The following DLG2 variants were observed in gnomAD, a reference collection of about 807,000 sequenced individuals.
The protein encoded by DLG2 is discs large MAGUK scaffold protein 2.
DLG2 carries 45 observed loss-of-function variants against 132.5 expected under a neutral mutation model. The observed-to-expected ratio is 0.34, with a 90% CI of 0.27 to 0.44. DLG2 has a LOEUF of 0.44. Among genes scored for constraint, DLG2 ranks in the 20% least tolerant of loss-of-function variants. The pLI is 1.00. For missense variants in DLG2, 1,045 were observed against 1,196.9 expected, an observed-to-expected ratio of 0.87 and a Z score of 1.87; for synonymous variants, 424 against 419.6, an observed-to-expected ratio of 1.01 and a Z score of -0.13.
At chr11:84,831,728 G>A (rs571871747) in intron 6 of DLG2, among the ~76,000 whole-genome samples, 37 of 151,562 alleles carry the variant, frequency 2.4e-4, no homozygotes, top group Non-Finnish European at 4.3e-4. Flanking sequence ...AATAAGCCAC[G>A]CCCCTTCAAT....
intron 3 of DLG2, among the ~76,000 whole-genome samples, chr11:85,352,056 G>A (rs1170625988): frequency 6.6e-6 from 1 of 152,094 alleles, no homozygotes; most frequent in Non-Finnish European, 1.5e-5. Context: ...TTTTTGGTTG[G>A]TAGGCTATTA....
At chr11:85,430,998 TAA>T (rs1341157313) in intron 3 of DLG2, among the ~76,000 whole-genome samples, 1 of 152,098 alleles carries the variant, frequency 6.6e-6, no homozygotes, top group East Asian at 1.9e-4. Context: ...AAAAACAGTG[TAA>T]AAAATGATTT....
chr11:85,539,723 G>C (rs972304598), intron 3 of DLG2, among the ~76,000 whole-genome samples: 1 of 152,088 alleles, frequency 6.6e-6, no homozygotes. Context: ...TACACTTACT[G>C]TGTACCCACA....
intron 26 of DLG2, among the ~76,000 whole-genome samples, chr11:83,462,372 G>A (rs1489100564): frequency 1.3e-5 from 2 of 152,098 alleles, no homozygotes; most frequent in Admixed American, 6.5e-5. Flanking sequence ...TGTTCTGCAG[G>A]GACCTAATAT....
At chr11:84,282,286 T>C (rs563394275) in intron 7 of DLG2, among the ~76,000 whole-genome samples, 1 of 152,270 alleles carries the variant, frequency 6.6e-6, no homozygotes, top group Non-Finnish European at 1.5e-5. Context: ...CTCACTTATA[T>C]AAAATTATAG....
At chr11:84,448,043 G>T (rs1302589294) in intron 7 of DLG2, among the ~76,000 whole-genome samples, 1 of 152,100 alleles carries the variant, frequency 6.6e-6, no homozygotes, top group African/African-American at 2.4e-5. Context: ...CAGTGCTAAA[G>T]ATGCCTAATT....
intron 3 of DLG2, among the ~76,000 whole-genome samples, chr11:85,423,476 A>G (rs2090477476): frequency 6.6e-6 from 1 of 152,168 alleles, no homozygotes; most frequent in Non-Finnish European, 1.5e-5. Context: ...GGTGGTGGGC[A>G]GGGCCATAGA....
chr11:83,958,581 T>C (rs889785705), intron 14 of DLG2, among the ~76,000 whole-genome samples: 22 of 152,178 alleles, frequency 1.4e-4, no homozygotes, highest in African/African-American at 4.8e-4. Flanking sequence ...CCCTACATCT[T>C]GAAAGAGTAG....
chr11:85,213,570 A>G (rs2082386056), intron 4 of DLG2, among the ~76,000 whole-genome samples: 3 of 152,190 alleles, frequency 2.0e-5, no homozygotes, highest in African/African-American at 7.2e-5. Context: ...TGAAGCCTAC[A>G]GGTAGCAGGC....
chr11:85,031,437 T>C (rs2154144882), intron 6 of DLG2, among the ~76,000 whole-genome samples: 2 of 152,282 alleles, frequency 1.3e-5, no homozygotes, highest in East Asian at 3.9e-4. Flanking sequence ...TATATGATGG[T>C]TTTATTTTTC....
At chr11:84,909,098 T>G (rs1294944435) in intron 6 of DLG2, among the ~76,000 whole-genome samples, 1 of 152,088 alleles carries the variant, frequency 6.6e-6, no homozygotes, top group African/African-American at 2.4e-5. Context: ...AAATTTCTTT[T>G]CTCGTCTTTG....
chr11:84,135,703 G>T (rs1482439738), intron 9 of DLG2, among the ~76,000 whole-genome samples: 1 of 152,106 alleles, frequency 6.6e-6, no homozygotes, highest in Non-Finnish European at 1.5e-5. Flanking sequence ...GAAGGGAGTG[G>T]TAAGAAATGA....
intron 17 of DLG2, chr11:83,790,275 GC>G (rs2041187786): frequency 1.1e-6 from 1 of 926,650 alleles, no homozygotes; most frequent in Non-Finnish European, 1.8e-6. Flanking sequence ...CCATTTGAGT[GC>G]CCAAGTCTAG....
rs1322273504 is a variant in DLG2, at chr11:84,887,247, G to A, written c.357+224414C>T. On this transcript the variant is annotated intron_variant, in intron 6 of 27. Coordinates refer to ENST00000376104, the MANE Select transcript of DLG2 (RefSeq NM_001142699.3). ...TAAATTGCTCTACAAATAGTATACT[G>A]GAAACATCCGGATGTGAGGTTATAA... is the stretch of plus-strand genomic sequence containing the variant. 3 of 152,076 alleles carry A rather than the reference G, an allele frequency of 2.0e-5. No individual in the cohort carries two copies. In the East Asian group the frequency reaches 5.8e-4, roughly 29 times the overall value. The allele number at this position is 152,076 out of a possible 1,614,324, so 9.4% of individuals were successfully genotyped here. A position where few individuals can be genotyped will look rare whatever the true frequency, so the allele number is the denominator to read the frequency against.
At chr11:83,519,031 AAC>A (rs537540974) in intron 21 of DLG2, among the ~76,000 whole-genome samples, 1 of 152,128 alleles carries the variant, frequency 6.6e-6, no homozygotes, top group Non-Finnish European at 1.5e-5. Flanking sequence ...AGGAACTTAA[AAC>A]ACAGTGCAGA....
At chr11:83,879,234 G>A (rs1023578521) in intron 15 of DLG2, among the ~76,000 whole-genome samples, 4 of 152,136 alleles carry the variant, frequency 2.6e-5, no homozygotes, top group Non-Finnish European at 4.4e-5. Flanking sequence ...TTTCCAATAT[G>A]TTGTAATATT....
chr11:84,021,301 A>C (rs2095384342), intron 11 of DLG2, among the ~76,000 whole-genome samples: 1 of 152,120 alleles, frequency 6.6e-6, no homozygotes, highest in Non-Finnish European at 1.5e-5. Flanking sequence ...CAGCAACTGA[A>C]CCTAATCTGA....
At chr11:83,504,686 G>A (rs913585632) in intron 21 of DLG2, among the ~76,000 whole-genome samples, 1 of 152,144 alleles carries the variant, frequency 6.6e-6, no homozygotes, top group Admixed American at 6.5e-5. Context: ...GGAGGAGGAA[G>A]CAAAAAATTT....
intron 6 of DLG2, among the ~76,000 whole-genome samples, chr11:84,998,616 T>C (rs2057909113): frequency 6.6e-6 from 1 of 152,188 alleles, no homozygotes; most frequent in Non-Finnish European, 1.5e-5. Context: ...TTGTTGATGG[T>C]ACACAGTAAT....
Sources: allele counts gnomAD v4.1 joint callset (sites outside exome capture counted in the v4.1 genomes callset), GRCh38; gene constraint gnomAD v4.1.1; transcripts MANE v1.5; gene names NCBI Gene and HGNC (gene_info 2026-07-23, HGNC 2026-07-21).